The following CNNM1 variants were observed in gnomAD, a reference collection of about 807,000 sequenced individuals.
The protein encoded by CNNM1 is metal transporter CNNM1.
Under a neutral mutation model 78.8 loss-of-function variants are expected in CNNM1, and 44 were observed. That is an observed-to-expected ratio of 0.56 (90% CI 0.44 to 0.72). CNNM1 has a LOEUF of 0.72. CNNM1 is among the 30% of genes least tolerant of loss of function. The probability of loss-of-function intolerance (pLI) is 0.00; values close to 1 mark genes in which losing one functional copy is unlikely to be tolerated. For missense variants in CNNM1, 1,101 were observed against 1,292.2 expected (o/e 0.85, Z 2.27); for synonymous variants, 584 against 581.5 (o/e 1.00, Z -0.06).
intron 6 of CNNM1, among the ~76,000 whole-genome samples, chr10:99,366,037 G>A (rs537049615): frequency 6.6e-6 from 1 of 152,322 alleles, no homozygotes; most frequent in African/African-American, 2.4e-5. Flanking sequence ...ATTCTGGAAT[G>A]CAATTTCTAA....
chr10:99,334,238 A>T (rs1426268170), intron 1 of CNNM1, among the ~76,000 whole-genome samples: 1 of 152,230 alleles, frequency 6.6e-6, no homozygotes, highest in South Asian at 2.1e-4. Context: ...ATAATGAACA[A>T]GGTGGATGTT....
intron 6 of CNNM1, among the ~76,000 whole-genome samples, chr10:99,374,132 C>T (rs1482759299): frequency 1.3e-5 from 2 of 152,170 alleles, no homozygotes; most frequent in Non-Finnish European, 2.9e-5. Context: ...TTTAAGAACT[C>T]ATCAGTTTGT....
intron 2 of CNNM1, among the ~76,000 whole-genome samples, chr10:99,359,003 T>TAAAAAAA (rs1173120985): frequency 6.5e-5 from 2 of 30,882 alleles, no homozygotes; most frequent in African/African-American, 4.7e-4. Flanking sequence ...CAAGACTGTC[T>TAAAAAAA]CAAAAAAAAA....
At chr10:99,356,543 AGACAGACAGACAGAC>A (rs2031168044) in intron 1 of CNNM1, among the ~76,000 whole-genome samples, 1 of 99,496 alleles carries the variant, frequency 1.0e-5, no homozygotes, top group Admixed American at 1.0e-4. Flanking sequence ...AAAGAAAGAC[AGACAGACAGACAGAC>A]AGACAGAAAG....
intron 10 of CNNM1, 128 bp downstream of exon 10, chr10:99,390,535 G>A: frequency 1.5e-6 from 1 of 687,272 alleles, no homozygotes; most frequent in South Asian, 1.7e-5. Flanking sequence ...AGGTACAATT[G>A]TGGAAATCCG....
chr10:99,357,386 T>C, intron 1 of CNNM1, 126 bp from the exon 2 acceptor site: 1 of 762,948 alleles, frequency 1.3e-6, no homozygotes, highest in Non-Finnish European at 1.9e-6. Flanking sequence ...CTTCATATTT[T>C]AAGGAGGTCC....
chr10:99,350,497 G>A (rs1017365984), intron 1 of CNNM1, among the ~76,000 whole-genome samples: 2 of 152,164 alleles, frequency 1.3e-5, no homozygotes, highest in Admixed American at 6.5e-5. Context: ...GTCCTTGAGA[G>A]CTCTTATCTA....
In CNNM1 at chr10:99,360,587, T is replaced by C. The variant is rs967077169; in HGVS notation, c.1718-248T>C. 5.9e-5 allele frequency among the ~76,000 whole-genome samples: 9 copies of C among 152,278 alleles called. No homozygotes were observed. The East Asian group carries it at 1.7e-3, about 29-fold the overall frequency. On this transcript the variant is annotated intron_variant, in intron 2 of 10. Coordinates refer to ENST00000356713, the MANE Select transcript of CNNM1 (RefSeq NM_020348.3). ...GGGAACCAGCCCCAGAACCCCAGAC[T>C]TGGGTACCCCAAGCCTGCTTTCCCC... is the stretch of plus-strand genomic sequence containing the variant.
intron 1 of CNNM1, among the ~76,000 whole-genome samples, chr10:99,339,157 G>C (rs890502034): frequency 6.6e-6 from 1 of 152,202 alleles, no homozygotes; most frequent in Admixed American, 6.5e-5. Context: ...CACAACCCAC[G>C]TATGCTAGGC....
Position 99,329,487 on chromosome 10 carries a change from CG to C in CNNM1, c.102del (p.Pro36ArgfsTer198). ...VLLLFFSLSP[R>X]PPAAAAWLLG... Reference sequence around the variant, plus strand: ...CCTGCTCTTCTTTTCCCTGTCTCCTCGGCCCCCGGCCGCCGCCGCCTGGCTG... The same window carrying C: ...CCTGCTCTTCTTTTCCCTGTCTCCTCGCCCCCGGCCGCCGCCGCCTGGCTG... On this transcript the variant is annotated frameshift_variant, in exon 1 of 11. Transcript: ENST00000356713. LOFTEE classifies it high-confidence loss of function. The C allele has an allele frequency of 6.7e-7, 1 of 1,498,886 alleles. No individual in the cohort carries two copies. Among genetic ancestry groups the C allele is most frequent in the Non-Finnish European group, 8.9e-7 (1 of 1,124,606 alleles). The allele number at this position is 1,498,886 out of a possible 1,614,324, so 92.8% of individuals were successfully genotyped here.
At chr10:99,361,565 T>A (rs1423084485) in intron 3 of CNNM1, among the ~76,000 whole-genome samples, 1 of 152,252 alleles carries the variant, frequency 6.6e-6, no homozygotes, top group Admixed American at 6.5e-5. Context: ...ATGTAATGAG[T>A]GCTAGCACTG....
At chr10:99,338,108 C>T (rs1260114721) in intron 1 of CNNM1, among the ~76,000 whole-genome samples, 4 of 152,150 alleles carry the variant, frequency 2.6e-5, no homozygotes, top group Non-Finnish European at 5.9e-5. Flanking sequence ...AGCTAGAAGG[C>T]AAGCTGGACA....
At chr10:99,377,257 G>T (rs983031784) in intron 7 of CNNM1, 39 bp downstream of exon 7, 10 of 1,598,028 alleles carry the variant, frequency 6.3e-6, no homozygotes, top group Non-Finnish European at 8.6e-6. Context: ...CCTCCCAGTG[G>T]GCAGTGTTGG....
intron 1 of CNNM1, among the ~76,000 whole-genome samples, chr10:99,336,968 T>A (rs944582201): frequency 4.6e-5 from 7 of 152,182 alleles, no homozygotes; most frequent in Non-Finnish European, 7.3e-5. Context: ...CTTACTAGAA[T>A]GCCTGGGTTG....
At chr10:99,341,268 G>C (rs777869631) in intron 1 of CNNM1, among the ~76,000 whole-genome samples, 16 of 152,118 alleles carry the variant, frequency 1.1e-4, no homozygotes, top group Admixed American at 3.3e-4. Context: ...TGGGCTCCTG[G>C]GCTGTGTGAC....
chr10:99,382,092 C>A (rs1029386592), intron 7 of CNNM1, among the ~76,000 whole-genome samples: 16 of 152,128 alleles, frequency 1.1e-4, no homozygotes, highest in Admixed American at 9.2e-4. Context: ...CAGGGCGAAG[C>A]CCCTGTGGTT....
chr10:99,342,488 G>A (rs1219840685), intron 1 of CNNM1, among the ~76,000 whole-genome samples: 4 of 152,142 alleles, frequency 2.6e-5, no homozygotes, highest in Non-Finnish European at 5.9e-5. Context: ...TGATAAAGGT[G>A]TTGATTATTT....
At chr10:99,378,021 T>G (rs1268002017) in intron 7 of CNNM1, among the ~76,000 whole-genome samples, 2 of 145,924 alleles carry the variant, frequency 1.4e-5, no homozygotes, top group Non-Finnish European at 3.0e-5. Flanking sequence ...TGGAGTGCAG[T>G]GGCGTGATCT....
Position 99,393,904 on chromosome 10 carries a change from T to A in CNNM1, c.*2388T>A, listed in dbSNP as rs773962742. The A allele has an allele frequency of 1.3e-5, 2 of 152,280 alleles. No homozygotes were observed. Among genetic ancestry groups the A allele is most frequent in the Non-Finnish European group, 2.9e-5 (2 of 68,072 alleles). The allele number at this position is 152,280 out of a possible 1,614,324, so 9.4% of individuals were successfully genotyped here. ...GCCTGGCCTGAGGCTCAGCAGTGCA[T>A]GACTTCTCGTAGATAACTTCACAGT... On this transcript the variant is annotated 3_prime_UTR_variant, in exon 11 of 11. Coordinates refer to ENST00000356713, the MANE Select transcript of CNNM1 (RefSeq NM_020348.3).
Sources: allele counts gnomAD v4.1 joint callset (sites outside exome capture counted in the v4.1 genomes callset), GRCh38; gene constraint gnomAD v4.1.1; transcripts MANE v1.5; gene names NCBI Gene and HGNC (gene_info 2026-07-23, HGNC 2026-07-21).